Variants in C1orf21 observed in about 807,000 individuals in gnomAD.
C1orf21 encodes the protein uncharacterized protein C1orf21.
C1orf21 carries 3 observed loss-of-function variants against 18.7 expected under a neutral mutation model. That is an observed-to-expected ratio of 0.16 (90% CI 0.07 to 0.42). The LOEUF (loss-of-function observed/expected upper bound fraction) is 0.42, where lower values mean the gene tolerates loss of function less well. Among genes scored for constraint, C1orf21 ranks in the 10% least tolerant of loss-of-function variants. The probability of loss-of-function intolerance (pLI) is 0.99; values close to 1 mark genes in which losing one functional copy is unlikely to be tolerated. For missense variants in C1orf21, 104 were observed against 143.6 expected (o/e 0.72, Z 1.41); for synonymous variants, 41 against 46.4 (o/e 0.88, Z 0.47).
At chr1:184,617,904 GTTTTTTT>G (rs142357373) in intron 5 of C1orf21, among the ~76,000 whole-genome samples, 1 of 87,504 alleles carries the variant, frequency 1.1e-5, no homozygotes, top group African/African-American at 4.2e-5. Flanking sequence ...TGTTGTTGTT[GTTTTTTT>G]TTTTTTTTTT....
chr1:184,513,293 A>G (rs1435208315), intron 3 of C1orf21, among the ~76,000 whole-genome samples: 1 of 152,254 alleles, frequency 6.6e-6, no homozygotes, highest in Non-Finnish European at 1.5e-5. Context: ...ATTTTGGTAA[A>G]GCAGAATAAC....
chr1:184,439,425 A>G (rs1415258152), intron 1 of C1orf21, among the ~76,000 whole-genome samples: 1 of 150,616 alleles, frequency 6.6e-6, no homozygotes, highest in Non-Finnish European at 1.5e-5. Flanking sequence ...GATACTACCC[A>G]AGGGCTATCT....
intron 1 of C1orf21, among the ~76,000 whole-genome samples, chr1:184,390,552 G>T (rs1296467402): frequency 6.6e-6 from 1 of 152,096 alleles, no homozygotes; most frequent in Non-Finnish European, 1.5e-5. Context: ...ATATTGGGTC[G>T]ATCAGTCTTC....
In C1orf21 at chr1:184,528,185, T is replaced by C. The variant is rs116685388; in HGVS notation, c.189+20503T>C. Among the ~76,000 whole-genome samples the C allele has an allele frequency of 5.2e-3, 794 of 152,326 alleles. 7 individuals carry two copies. Among genetic ancestry groups the C allele is most frequent in the African/African-American group, 0.018 (752 of 41,588 alleles). On this transcript the variant is annotated intron_variant, in intron 3 of 5. Transcript: ENST00000235307. ...CAGAATTCAGATAAGTTAAACTTCT[T>C]TTCTAAAGTAATATAACTAGTAAAG... is the stretch of plus-strand genomic sequence containing the variant.
intron 1 of C1orf21, among the ~76,000 whole-genome samples, chr1:184,433,799 A>T (rs1656813328): frequency 6.6e-6 from 1 of 152,102 alleles, no homozygotes; most frequent in African/African-American, 2.4e-5. Context: ...CTTGACCTTT[A>T]GTTTCCCTTG....
intron 3 of C1orf21, among the ~76,000 whole-genome samples, chr1:184,531,792 C>A (rs949317477): frequency 7.9e-5 from 12 of 152,086 alleles, no homozygotes; most frequent in African/African-American, 2.9e-4. Flanking sequence ...CCCCACAGCT[C>A]ACCTTTTCAG....
intron 1 of C1orf21, among the ~76,000 whole-genome samples, chr1:184,472,782 A>G (rs1022184905): frequency 2.6e-5 from 4 of 152,350 alleles, no homozygotes; most frequent in East Asian, 1.9e-4. Flanking sequence ...TATTCATACA[A>G]AAGTAATGGA....
At chr1:184,466,712 C>CT (rs1303055531) in intron 1 of C1orf21, among the ~76,000 whole-genome samples, 1 of 151,962 alleles carries the variant, frequency 6.6e-6, no homozygotes, top group African/African-American at 2.4e-5. Context: ...TAAGCAAAAA[C>CT]TTATACATGC....
intron 3 of C1orf21, among the ~76,000 whole-genome samples, chr1:184,531,995 G>T (rs1184151207): frequency 6.6e-6 from 1 of 151,378 alleles, no homozygotes; most frequent in African/African-American, 2.4e-5. Flanking sequence ...ATTTGTGTTG[G>T]TATACATTTG....
At chr1:184,413,653 G>T (rs1656396782) in intron 1 of C1orf21, among the ~76,000 whole-genome samples, 1 of 152,208 alleles carries the variant, frequency 6.6e-6, no homozygotes, top group Non-Finnish European at 1.5e-5. Flanking sequence ...GCGGCTGGCT[G>T]TCTCACTGTG....
chr1:184,492,861 A>G (rs1284721615), intron 2 of C1orf21, among the ~76,000 whole-genome samples: 1 of 152,206 alleles, frequency 6.6e-6, no homozygotes, highest in Non-Finnish European at 1.5e-5. Context: ...CTAATAGAAG[A>G]CAGTTATAAA....
intron 2 of C1orf21, among the ~76,000 whole-genome samples, chr1:184,480,649 C>T (rs1006896474): frequency 6.6e-6 from 1 of 152,188 alleles, no homozygotes; most frequent in East Asian, 1.9e-4. Flanking sequence ...GAGTCTAATT[C>T]ACAAGAGCGA....
intron 1 of C1orf21, among the ~76,000 whole-genome samples, chr1:184,423,459 G>A (rs1329119411): frequency 1.3e-5 from 2 of 152,170 alleles, no homozygotes; most frequent in Non-Finnish European, 2.9e-5. Context: ...GGCCTTAACT[G>A]AATAGGCAAT....
chr1:184,477,624 C>A, intron 2 of C1orf21, 21 bp downstream of exon 2: 1 of 1,597,296 alleles, frequency 6.3e-7, no homozygotes, highest in Non-Finnish European at 8.6e-7. Flanking sequence ...TCAAACTTGA[C>A]TCTTGACCCA....
At chr1:184,536,044 G>C (rs1225532854) in intron 3 of C1orf21, among the ~76,000 whole-genome samples, 1 of 152,152 alleles carries the variant, frequency 6.6e-6, no homozygotes, top group Non-Finnish European at 1.5e-5. Flanking sequence ...AGAAGGAATT[G>C]CAGAAAGAAG....
At chr1:184,504,068 C>G (rs912297527) in intron 2 of C1orf21, among the ~76,000 whole-genome samples, 2 of 152,112 alleles carry the variant, frequency 1.3e-5, no homozygotes, top group South Asian at 4.2e-4. Flanking sequence ...TGAACAATCC[C>G]AGCCCCACTT....
At position 184,627,066 on chromosome 1, in the gene C1orf21, AG is replaced by A. The variant is rs1660023420; in HGVS notation, c.*7512del. The A allele has an allele frequency of 1.3e-5, 2 of 152,586 alleles. No homozygotes were observed. The highest frequency in any genetic ancestry group is 1.3e-4 in the Admixed American group (2 of 15,270). 9.5% of individuals were successfully genotyped at this position (152,586 alleles called of 1,614,324 possible). On this transcript the variant is annotated 3_prime_UTR_variant, in exon 6 of 6. Coordinates refer to ENST00000235307, the MANE Select transcript of C1orf21 (RefSeq NM_030806.4). ...TACACACCCGAGTCCTGCCAAAGAA[AG>A]GAGATTTTTAAAAAGCACAGACAAA...
intron 1 of C1orf21, among the ~76,000 whole-genome samples, chr1:184,433,296 G>C (rs917104181): frequency 2.6e-5 from 4 of 152,042 alleles, no homozygotes; most frequent in African/African-American, 9.6e-5. Flanking sequence ...TCTCTGCTGG[G>C]CTGGCAGAGA....
chr1:184,584,923 G>C (rs1659331389), intron 3 of C1orf21, among the ~76,000 whole-genome samples: 1 of 152,192 alleles, frequency 6.6e-6, no homozygotes, highest in Non-Finnish European at 1.5e-5. Context: ...TGAGAGCAGA[G>C]ATGACCTGTA....
Sources: gnomAD v4.1 joint callset for allele counts (sites outside exome capture counted in the v4.1 genomes callset) on GRCh38, gnomAD v4.1.1 for gene constraint, MANE v1.5 for transcripts, NCBI Gene and HGNC (gene_info 2026-07-23, HGNC 2026-07-21) for gene names.